Variants in RBMS3 observed in about 807,000 individuals in gnomAD.
RBMS3 encodes the protein RNA-binding motif, single-stranded-interacting protein 3.
A neutral mutation model predicts 66.8 loss-of-function variants in RBMS3; 27 were observed. That is an observed-to-expected ratio of 0.40 (90% CI 0.30 to 0.56). The LOEUF (loss-of-function observed/expected upper bound fraction) is 0.56, where lower values mean the gene tolerates loss of function less well. Ranked by LOEUF, RBMS3 falls within the 20% of genes least tolerant of loss-of-function variation. RBMS3 has a pLI of 0.40. For synonymous variants in RBMS3, 188 were observed against 183.0 expected, an observed-to-expected ratio of 1.03 and a Z score of -0.22; for missense variants, 513 against 549.5, an observed-to-expected ratio of 0.93 and a Z score of 0.66.
intron 4 of RBMS3, among the ~76,000 whole-genome samples, chr3:29,595,411 A>G (rs868094963): frequency 1.0e-3 from 154 of 151,580 alleles, no homozygotes; most frequent in East Asian, 4.8e-3. Flanking sequence ...AAAAAAAAAA[A>G]AAAAGAAAAG....
chr3:29,856,660 C>A (rs145057988), intron 6 of RBMS3, among the ~76,000 whole-genome samples: 1 of 152,178 alleles, frequency 6.6e-6, no homozygotes, highest in Admixed American at 6.5e-5. Context: ...AGCTATTCAA[C>A]CTTCTCCTGG....
chr3:29,325,548 G>GTATATATGTGTGTATGTATA (rs1559489295), intron 1 of RBMS3, among the ~76,000 whole-genome samples: 5 of 151,182 alleles, frequency 3.3e-5, no homozygotes, highest in African/African-American at 1.2e-4. Context: ...ATACATGTGT[G>GTATATATGTGTGTATGTATA]TATATATGTG....
At chr3:29,378,767 A>G (rs1242953881) in intron 1 of RBMS3, among the ~76,000 whole-genome samples, 1 of 151,982 alleles carries the variant, frequency 6.6e-6, no homozygotes, top group African/African-American at 2.4e-5. Flanking sequence ...CTAAAACAGA[A>G]TTGTATCGAA....
chr3:29,306,997 C>T (rs1196511526), intron 1 of RBMS3, among the ~76,000 whole-genome samples: 3 of 151,854 alleles, frequency 2.0e-5, no homozygotes, highest in South Asian at 2.1e-4. Flanking sequence ...TAAATTTATT[C>T]GTTAGATTAA....
intron 2 of RBMS3, among the ~76,000 whole-genome samples, chr3:29,476,330 A>G (rs2042946003): frequency 6.6e-6 from 1 of 152,214 alleles, no homozygotes; most frequent in African/African-American, 2.4e-5. Flanking sequence ...AGAAGACTTT[A>G]CATACTCTTT....
rs576883603 is a variant in RBMS3 at position 29,346,743 on chromosome 3, G to A, written c.75+64987G>A. Among the ~76,000 whole-genome samples the A allele has an allele frequency of 5.3e-5, 8 of 152,074 alleles. 1 individual carries two copies. The highest frequency in any genetic ancestry group is 2.1e-4 in the South Asian group (1 of 4,810). On this transcript the variant is annotated intron_variant, in intron 1 of 14. Transcript: ENST00000383767. ...AAACCTGAACTATCATGGACCAATC[G>A]GTTTTAGAGATTATTAATGAGCATT...
chr3:29,747,311 T>C (rs531706360), intron 5 of RBMS3, among the ~76,000 whole-genome samples: 1 of 152,274 alleles, frequency 6.6e-6, no homozygotes, highest in South Asian at 2.1e-4. Context: ...ACTTGTGTTC[T>C]TGGGGCAGTT....
At chr3:29,321,484 T>C (rs771924193) in intron 1 of RBMS3, among the ~76,000 whole-genome samples, 7 of 152,112 alleles carry the variant, frequency 4.6e-5, no homozygotes, top group African/African-American at 7.2e-5. Context: ...TTTTCCTGAG[T>C]TGTTTCTAAA....
intron 3 of RBMS3, among the ~76,000 whole-genome samples, chr3:29,522,461 T>C (rs2044897815): frequency 1.3e-5 from 2 of 152,096 alleles, no homozygotes; most frequent in Non-Finnish European, 1.5e-5. Flanking sequence ...CCCACAGTGC[T>C]GGTATTACAG....
intron 7 of RBMS3, among the ~76,000 whole-genome samples, chr3:29,875,369 A>AT (rs143160864): frequency 0.015 from 2,246 of 152,210 alleles, 60 homozygotes; most frequent in African/African-American, 0.051. Context: ...AAAGTTGTAT[A>AT]TTTTTCATCC....
chr3:29,618,405 C>T (rs1249197662), intron 4 of RBMS3, among the ~76,000 whole-genome samples: 1 of 151,956 alleles, frequency 6.6e-6, no homozygotes, highest in Non-Finnish European at 1.5e-5. Flanking sequence ...ACCCAGGAGG[C>T]TGAGGCAGAA....
chr3:29,577,557 A>C (rs188642950), intron 3 of RBMS3, among the ~76,000 whole-genome samples: 2 of 152,286 alleles, frequency 1.3e-5, no homozygotes, highest in East Asian at 3.9e-4. Context: ...TTGGCCTGTG[A>C]TGGCAAGGCT....
rs143281134 is a variant in RBMS3 at position 29,836,877 on chromosome 3, G to T, written c.638-31981G>T. Among the ~76,000 whole-genome samples, 1,040 of 151,784 alleles carry T rather than the reference G, an allele frequency of 6.9e-3. 8 individuals carry two copies. Among genetic ancestry groups the T allele is most frequent in the African/African-American group, 0.024 (989 of 41,398 alleles). On this transcript the variant is annotated intron_variant, in intron 6 of 14. Coordinates refer to ENST00000383767, the MANE Select transcript of RBMS3 (RefSeq NM_001003793.3). ...AATTATGCCTCAGTAAAGCTGGGGT[G>T]GGGAGAAAACCTCTAATGTTTAACT... is the stretch of plus-strand genomic sequence containing the variant.
chr3:29,987,028 C>G (rs1698435551), intron 12 of RBMS3, among the ~76,000 whole-genome samples: 1 of 152,090 alleles, frequency 6.6e-6, no homozygotes, highest in South Asian at 2.1e-4. Context: ...ATCAGCATGC[C>G]TCTTAAATAC....
chr3:29,676,874 T>G (rs141732998), intron 4 of RBMS3, among the ~76,000 whole-genome samples: 1 of 152,246 alleles, frequency 6.6e-6, no homozygotes, highest in Non-Finnish European at 1.5e-5. Flanking sequence ...GCTGTATTAG[T>G]CCATTCTTGC....
chr3:29,373,996 G>A (rs1433306630), intron 1 of RBMS3, among the ~76,000 whole-genome samples: 1 of 152,176 alleles, frequency 6.6e-6, no homozygotes, highest in Non-Finnish European at 1.5e-5. Flanking sequence ...ACAAGGCACT[G>A]GGGCAAAGAA....
chr3:29,321,852 G>A (rs3923550), intron 1 of RBMS3, among the ~76,000 whole-genome samples: 16,107 of 152,096 alleles, frequency 0.11, 1,000 homozygotes, highest in South Asian at 0.15. Context: ...CGTCCTCTCT[G>A]AGTGCTGTGC....
intron 1 of RBMS3, among the ~76,000 whole-genome samples, chr3:29,390,066 C>A (rs1482991578): frequency 6.6e-6 from 1 of 152,132 alleles, no homozygotes; most frequent in African/African-American, 2.4e-5. Flanking sequence ...CTAAAAGACC[C>A]CTCCTACAAA....
At chr3:29,429,172 T>G (rs1280480979) in intron 1 of RBMS3, among the ~76,000 whole-genome samples, 1 of 152,192 alleles carries the variant, frequency 6.6e-6, no homozygotes, top group African/African-American at 2.4e-5. Context: ...CATTTACCCT[T>G]TTTGTGCCTC....
Sources: gnomAD v4.1 joint callset for allele counts (sites outside exome capture counted in the v4.1 genomes callset) on GRCh38, gnomAD v4.1.1 for gene constraint, MANE v1.5 for transcripts, NCBI Gene and HGNC (gene_info 2026-07-23, HGNC 2026-07-21) for gene names.